The following ACER1 variants were observed in gnomAD, a reference collection of about 807,000 sequenced individuals.
ACER1 encodes the protein alkaline ceramidase 1.
A neutral mutation model predicts 24.9 loss-of-function variants in ACER1; 28 were observed. That is an observed-to-expected ratio of 1.13 (90% CI 0.83 to 1.54). The LOEUF is 1.54. ACER1 is among the 40% of genes most tolerant of loss of function. The pLI is 0.00. For missense variants in ACER1, 352 were observed against 349.3 expected, an observed-to-expected ratio of 1.01 and a Z score of -0.06; for synonymous variants, 132 against 131.4, an observed-to-expected ratio of 1.00 and a Z score of -0.03.
In ACER1 at chr19:6,319,511, G is replaced by A. The variant is rs200632732; in HGVS notation, c.94-7012C>T. Among the ~76,000 whole-genome samples the A allele has an allele frequency of 6.5e-4, 98 of 151,916 alleles. 2 individuals carry two copies. Among genetic ancestry groups the A allele is most frequent in the African/African-American group, 2.2e-3 (90 of 41,424 alleles). ...CCTCCCTCCCTTCCTTCATTCATTC[G>A]TTCATTCATTCATTCATTCATTTGT... On this transcript the variant is annotated intron_variant, in intron 1 of 5. Coordinates refer to ENST00000301452, the MANE Select transcript of ACER1 (RefSeq NM_133492.3).
At chr19:6,317,130 T>C (rs1372441577) in intron 1 of ACER1, among the ~76,000 whole-genome samples, 1 of 151,782 alleles carries the variant, frequency 6.6e-6, no homozygotes, top group Non-Finnish European at 1.5e-5. Flanking sequence ...CGTGCCACCA[T>C]ACCCGGCTAA....
chr19:6,336,883 A>T (rs1474087248), upstream of ACER1, among the ~76,000 whole-genome samples: 2 of 150,118 alleles, frequency 1.3e-5, no homozygotes, highest in Non-Finnish European at 1.5e-5. Context: ...TGCATTCCAA[A>T]TCACTGAACT....
chr19:6,349,917 C>A, the ACER1 span, among the ~76,000 whole-genome samples: 2 of 152,032 alleles, frequency 1.3e-5, no homozygotes, highest in African/African-American at 4.8e-5. Context: ...AATCACTTGA[C>A]CCCAGGAGTT....
At chr19:6,318,963 C>T (rs2091617132) in intron 1 of ACER1, among the ~76,000 whole-genome samples, 1 of 151,480 alleles carries the variant, frequency 6.6e-6, no homozygotes, top group African/African-American at 2.4e-5. Context: ...TTTCTCTTCG[C>T]TTGTATCAGT....
chr19:6,308,430 C>T (rs541234928), intron 4 of ACER1, among the ~76,000 whole-genome samples: 1,106 of 91,286 alleles, frequency 0.012, 22 homozygotes, highest in African/African-American at 0.043. Context: ...AGTGAGACTC[C>T]GTCTCAAAAA....
chr19:6,335,224 C>CTT (rs146932699), upstream of ACER1, among the ~76,000 whole-genome samples: 39 of 102,226 alleles, frequency 3.8e-4, no homozygotes, highest in Non-Finnish European at 5.3e-4. Flanking sequence ...ATTTAACGTT[C>CTT]TTTTTTTTTT....
chr19:6,306,349 A>C lies in ACER1; in HGVS notation c.*365T>G. ...AGGCGTGAGCCACCGTTCCCAGCCT[A>C]GAAGCTAATATTTAGATGCCACATC... On this transcript the variant is annotated 3_prime_UTR_variant, in exon 6 of 6. Coordinates refer to ENST00000301452, the MANE Select transcript of ACER1 (RefSeq NM_133492.3). 1.1e-5 allele frequency: 2 copies of C among 177,178 alleles called. No homozygotes were observed. Among genetic ancestry groups the C allele is most frequent in the Non-Finnish European group, 2.4e-5 (2 of 83,994 alleles). The allele number at this position is 177,178 out of a possible 1,614,324, so 11.0% of individuals were successfully genotyped here.
In ACER1 at chr19:6,309,626, C is replaced by T. The variant is rs542225529; in HGVS notation, c.488+71G>A. 79 of 1,592,576 alleles carry T rather than the reference C, an allele frequency of 5.0e-5. No homozygotes were observed. The Admixed American group carries it at 5.6e-4, about 11-fold the overall frequency. The stretch of plus-strand genomic sequence containing the variant: ...TCTTGGAGAAGGGACGTCCCCTCCG[C>T]GAGCCTGGAGTCAGGGGTGCTAGGA... On this transcript the variant is annotated intron_variant, in intron 4 of 5. Transcript: ENST00000301452.
At chr19:6,353,743 T>G in the ACER1 span, among the ~76,000 whole-genome samples, 1 of 151,938 alleles carries the variant, frequency 6.6e-6, no homozygotes, top group Non-Finnish European at 1.5e-5. Flanking sequence ...GAGAATTGCT[T>G]GAACCTGCAA....
intron 1 of ACER1, among the ~76,000 whole-genome samples, chr19:6,313,734 A>G (rs923049252): frequency 6.6e-6 from 1 of 152,242 alleles, no homozygotes; most frequent in African/African-American, 2.4e-5. Flanking sequence ...TGAAGCAGAA[A>G]TGATACTGTG....
chr19:6,322,369 CAA>C (rs1469190255), intron 1 of ACER1, among the ~76,000 whole-genome samples: 2 of 152,160 alleles, frequency 1.3e-5, no homozygotes, highest in South Asian at 2.1e-4. Context: ...AAATGAAAGA[CAA>C]AATATGTAGC....
At position 6,306,471 on chromosome 19, in the gene ACER1, T is replaced by TG. The variant is rs543155615; in HGVS notation, c.*242dup. ...ACACAGAGGAGGAAATGAAAGAGGA[T>TG]GGGGGGGGTCATGGAGGGGAGATGC... On this transcript the variant is annotated 3_prime_UTR_variant, in exon 6 of 6. Coordinates refer to ENST00000301452, the MANE Select transcript of ACER1 (RefSeq NM_133492.3). 1,676 of 462,200 alleles carry TG rather than the reference T, an allele frequency of 3.6e-3. 20 individuals are homozygous for TG. Among genetic ancestry groups the TG allele is most frequent in the African/African-American group, 0.025 (1,306 of 51,628 alleles). The allele number at this position is 462,200 out of a possible 1,614,324, so 28.6% of individuals were successfully genotyped here.
At chr19:6,314,779 CAT>C (rs758659966) in intron 1 of ACER1, among the ~76,000 whole-genome samples, 1 of 152,110 alleles carries the variant, frequency 6.6e-6, no homozygotes, top group Non-Finnish European at 1.5e-5. Context: ...TACCTGCGTT[CAT>C]ATGTTTATTG....
the ACER1 span, among the ~76,000 whole-genome samples, chr19:6,355,092 C>T: frequency 0.081 from 12,321 of 151,858 alleles, 1,260 homozygotes; most frequent in African/African-American, 0.24. Flanking sequence ...CCAGAGGTGC[C>T]GGGATTGCAG....
chr19:6,312,283 G>C lies in ACER1; in HGVS notation c.216C>G (p.Phe72Leu). The C allele has an allele frequency of 6.2e-7, 1 of 1,614,152 alleles. No homozygotes were observed. Among genetic ancestry groups the C allele is most frequent in the Admixed American group, 1.7e-5 (1 of 60,020 alleles). ...VWVLFMIIGL[F>L]SMYFHMTLSF... ...TGAGCGTCATGTGGAAATACATGGA[G>C]AACAGGCCTGCAGCGGCAAGGGCAG... The change falls in exon 3 of 6, where the codon TTC (phenylalanine) becomes TTG (leucine). Residue 72 changes from phenylalanine (F) to leucine (L), a missense_variant. Physicochemically the swap from Phe to Leu is conservative, Grantham distance 22 (BLOSUM62 0). Coordinates refer to ENST00000301452, the MANE Select transcript of ACER1 (RefSeq NM_133492.3).
the ACER1 span, among the ~76,000 whole-genome samples, chr19:6,347,218 C>CTTTTTT: frequency 4.5e-4 from 59 of 132,162 alleles, 1 homozygote; most frequent in East Asian, 2.3e-3. Flanking sequence ...CTTTTCTTTT[C>CTTTTTT]TTTTTCTTTT....
At chr19:6,356,722 TA>T in the ACER1 span, among the ~76,000 whole-genome samples, 33,865 of 141,590 alleles carry the variant, frequency 0.24, 5,726 homozygotes, top group African/African-American at 0.48. Context: ...ATACTGCATG[TA>T]AAAAAAAAAA....
chr19:6,349,469 G>T, the ACER1 span, among the ~76,000 whole-genome samples: 1 of 137,930 alleles, frequency 7.3e-6, no homozygotes, highest in Non-Finnish European at 1.6e-5. Context: ...AGGAAGGAAA[G>T]AAGGAAGGAA....
At chr19:6,335,012 A>G (rs927479960), upstream of ACER1, among the ~76,000 whole-genome samples, 62 of 145,754 alleles carry the variant, frequency 4.3e-4, no homozygotes, top group Non-Finnish European at 8.1e-4. Flanking sequence ...TGTGCATAAC[A>G]ATAATAATAT....
Sources: allele counts gnomAD v4.1 joint callset (sites outside exome capture counted in the v4.1 genomes callset), GRCh38; gene constraint gnomAD v4.1.1; transcripts MANE v1.5; gene names NCBI Gene and HGNC (gene_info 2026-07-23, HGNC 2026-07-21).